TRAPPC9: variants seen among roughly 807,000 people sequenced by gnomAD.
The protein encoded by TRAPPC9 is IKK2 binding protein.
In TRAPPC9, 83 loss-of-function variants were observed where a neutral mutation model predicts 124.0. The observed-to-expected ratio is 0.67, with a 90% CI of 0.56 to 0.80. The LOEUF (loss-of-function observed/expected upper bound fraction) is 0.80. Ranked by LOEUF, TRAPPC9 falls within the 30% of genes least tolerant of loss-of-function variation. The pLI is 0.00. For missense variants in TRAPPC9, 1,302 were observed against 1,508.3 expected (o/e 0.86, Z 2.27); for synonymous variants, 638 against 617.5 (o/e 1.03, Z -0.49).
intron 17 of TRAPPC9, among the ~76,000 whole-genome samples, chr8:140,088,666 A>G (rs941995251): frequency 3.3e-5 from 5 of 152,256 alleles, no homozygotes; most frequent in Non-Finnish European, 5.9e-5. Flanking sequence ...GTTGAACAAT[A>G]CAACTACGCT....
chr8:139,925,127 A>G (rs981457908), intron 19 of TRAPPC9, among the ~76,000 whole-genome samples: 2 of 152,246 alleles, frequency 1.3e-5, no homozygotes, highest in African/African-American at 4.8e-5. Context: ...CAAAAGCAGC[A>G]GAATGTGGAG....
intron 10 of TRAPPC9, among the ~76,000 whole-genome samples, chr8:140,304,829 T>C (rs1017139061): frequency 2.0e-5 from 3 of 152,164 alleles, no homozygotes; most frequent in African/African-American, 7.2e-5. Flanking sequence ...TTATCCTAGA[T>C]GCTGGCAGCA....
At chr8:139,836,662 G>A (rs2130866701) in intron 21 of TRAPPC9, among the ~76,000 whole-genome samples, 1 of 152,352 alleles carries the variant, frequency 6.6e-6, no homozygotes, top group East Asian at 1.9e-4. Flanking sequence ...CTTCCCGAGA[G>A]TCATTTGGGA....
chr8:140,078,962 A>G (rs887255093), intron 17 of TRAPPC9, among the ~76,000 whole-genome samples: 3 of 152,136 alleles, frequency 2.0e-5, no homozygotes, highest in African/African-American at 7.2e-5. Context: ...CTTATCTTGA[A>G]TTGTAGCTCC....
At chr8:139,745,401 G>C (rs527239755) in intron 21 of TRAPPC9, among the ~76,000 whole-genome samples, 4 of 152,248 alleles carry the variant, frequency 2.6e-5, no homozygotes, top group Non-Finnish European at 1.5e-5. Flanking sequence ...ATGAACAGAG[G>C]GGTGTGAATC....
At chr8:139,977,208 C>T (rs1290569255) in intron 19 of TRAPPC9, among the ~76,000 whole-genome samples, 3 of 152,048 alleles carry the variant, frequency 2.0e-5, no homozygotes, top group Non-Finnish European at 2.9e-5. Flanking sequence ...TGTAACGGCC[C>T]GTGCGGGACA....
chr8:139,965,368 G>T (rs1835633849), intron 19 of TRAPPC9, among the ~76,000 whole-genome samples: 2 of 152,240 alleles, frequency 1.3e-5, no homozygotes, highest in East Asian at 3.9e-4. Flanking sequence ...ATGACACCCT[G>T]GGGTGCTGCA....
chr8:139,752,512 T>A (rs1278843095), intron 21 of TRAPPC9, among the ~76,000 whole-genome samples: 1 of 150,178 alleles, frequency 6.7e-6, no homozygotes, highest in South Asian at 2.1e-4. Flanking sequence ...CTACCATCCA[T>A]CCAACATCTA....
chr8:140,168,258 G>T (rs2061886102), intron 17 of TRAPPC9, among the ~76,000 whole-genome samples: 1 of 152,222 alleles, frequency 6.6e-6, no homozygotes, highest in Non-Finnish European at 1.5e-5. Flanking sequence ...TATCGAAGGT[G>T]ACATTGGCAT....
intron 21 of TRAPPC9, among the ~76,000 whole-genome samples, chr8:139,778,949 A>T (rs1193962943): frequency 6.6e-6 from 1 of 152,176 alleles, no homozygotes; most frequent in Non-Finnish European, 1.5e-5. Flanking sequence ...CAAGACACAT[A>T]ATGTAAACTA....
chr8:139,859,705 G>A lies in TRAPPC9; in HGVS notation c.3055+26174C>T, dbSNP rs559892860. Among the ~76,000 whole-genome samples the A allele has an allele frequency of 1.2e-3, 188 of 152,340 alleles. 2 individuals are homozygous for A. Among genetic ancestry groups the A allele is most frequent in the African/African-American group, 4.2e-3 (175 of 41,584 alleles). ...CAGTTCAGCCAGGCCCTGGCACCCA[G>A]AGGATGTTGGGTGCCAAGAAGAGAG... On this transcript the variant is annotated intron_variant, in intron 21 of 22. Coordinates refer to ENST00000438773, the MANE Select transcript of TRAPPC9 (RefSeq NM_001160372.4).
intron 17 of TRAPPC9, among the ~76,000 whole-genome samples, chr8:140,173,546 T>C (rs2062006800): frequency 8.2e-6 from 1 of 121,976 alleles, no homozygotes. Context: ...AGAGCAAGAC[T>C]CTGTCTCAAA....
chr8:139,954,718 A>C (rs1045470914), intron 19 of TRAPPC9, among the ~76,000 whole-genome samples: 2 of 152,204 alleles, frequency 1.3e-5, no homozygotes, highest in Admixed American at 1.3e-4. Flanking sequence ...CCACCAGCTA[A>C]CAATAAGGAA....
chr8:140,159,504 A>G (rs1331762561), intron 17 of TRAPPC9, among the ~76,000 whole-genome samples: 1 of 152,208 alleles, frequency 6.6e-6, no homozygotes, highest in Admixed American at 6.5e-5. Context: ...AATCATGTCC[A>G]CAAATACAGC....
chr8:140,062,922 A>G (rs566848748), intron 17 of TRAPPC9, among the ~76,000 whole-genome samples: 1 of 152,272 alleles, frequency 6.6e-6, no homozygotes, highest in African/African-American at 2.4e-5. Flanking sequence ...ACTTTCCAAG[A>G]CTGGGTAATT....
intron 16 of TRAPPC9, among the ~76,000 whole-genome samples, chr8:140,249,289 T>C (rs1389564718): frequency 6.6e-6 from 1 of 152,198 alleles, no homozygotes; most frequent in East Asian, 1.9e-4. Context: ...TATTTGCTTT[T>C]CTATTCCTGC....
At chr8:139,829,116 T>G (rs2130830199) in intron 21 of TRAPPC9, among the ~76,000 whole-genome samples, 1 of 152,136 alleles carries the variant, frequency 6.6e-6, no homozygotes, top group South Asian at 2.1e-4. Flanking sequence ...TTCGTCTATA[T>G]TTAGAGAGTT....
intron 20 of TRAPPC9, among the ~76,000 whole-genome samples, chr8:139,895,404 G>A (rs1437852726): frequency 1.3e-5 from 2 of 152,148 alleles, no homozygotes; most frequent in Non-Finnish European, 2.9e-5. Flanking sequence ...CGGTAAAAAG[G>A]GTGTTTGCAT....
chr8:139,993,832 T>C (rs1837796932), intron 18 of TRAPPC9, among the ~76,000 whole-genome samples: 1 of 152,234 alleles, frequency 6.6e-6, no homozygotes, highest in African/African-American at 2.4e-5. Flanking sequence ...TTTAAAATAC[T>C]CGATATTATC....
Sources: gnomAD v4.1 joint callset for allele counts (sites outside exome capture counted in the v4.1 genomes callset) on GRCh38, gnomAD v4.1.1 for gene constraint, MANE v1.5 for transcripts, NCBI Gene and HGNC (gene_info 2026-07-23, HGNC 2026-07-21) for gene names.